Variants in CD82 observed in about 807,000 individuals in gnomAD.
CD82 encodes CD82 antigen.
A neutral mutation model predicts 37.4 loss-of-function variants in CD82; 36 were observed. That is an observed-to-expected ratio of 0.96 (90% confidence interval 0.74 to 1.27). CD82 has a LOEUF of 1.27. CD82 is among the 50% of genes most tolerant of loss of function. CD82 has a pLI of 0.00. For synonymous variants in CD82, 158 were observed against 137.4 expected (o/e 1.15, Z -1.05); for missense variants, 340 against 347.0 (o/e 0.98, Z 0.16).
At chr11:44,612,619 A>G (rs930553794) in intron 6 of CD82, among the ~76,000 whole-genome samples, 3 of 94,736 alleles carry the variant, frequency 3.2e-5, no homozygotes, top group African/African-American at 1.5e-4. Context: ...GTTTCCCAGC[A>G]TTAATTTTTT....
intron 6 of CD82, among the ~76,000 whole-genome samples, chr11:44,613,984 T>TTTTTTGTTGTTGTTG (rs971486772): frequency 1.6e-4 from 25 of 151,790 alleles, no homozygotes; most frequent in African/African-American, 6.0e-4. Context: ...TTCTGTTTTG[T>TTTTTTGTTGTTGTTG]TTTTTGTTGT....
At chr11:44,609,076 G>A (rs1322047902) in intron 6 of CD82, among the ~76,000 whole-genome samples, 3 of 152,236 alleles carry the variant, frequency 2.0e-5, no homozygotes, top group Non-Finnish European at 2.9e-5. Context: ...CAAGGGCTGC[G>A]GGAATGGGGA....
At chr11:44,580,372 A>T (rs1364114981) in intron 1 of CD82, among the ~76,000 whole-genome samples, 1 of 152,202 alleles carries the variant, frequency 6.6e-6, no homozygotes, top group African/African-American at 2.4e-5. Flanking sequence ...GGGAGGCAGG[A>T]AGGATTAGCC....
chr11:44,587,202 G>T (rs1325843151), intron 1 of CD82: 6 of 346,282 alleles, frequency 1.7e-5, no homozygotes, highest in African/African-American at 4.3e-5. Context: ...CTGAGCCAAG[G>T]CTTGTGGGAA....
rs1482820723 is a variant in CD82, at chr11:44,618,161, G to T, written c.439-1G>T. 6.2e-7 allele frequency: 1 copy of T among 1,613,884 alleles called. No homozygotes were observed. The highest frequency in any genetic ancestry group is 1.1e-5 in the South Asian group (1 of 91,072). ...AGCAGTCTGTCCCCTGCCTTGCCCA[G>T]GTGAAGTGCTGCGGCTGGGTCAGCT... On this transcript the variant is annotated splice_acceptor_variant, in intron 7 of 9. Coordinates refer to ENST00000227155, the MANE Select transcript of CD82 (RefSeq NM_002231.4). LOFTEE classifies it high-confidence loss of function.
At chr11:44,596,416 C>T (rs1473070370) in intron 3 of CD82, among the ~76,000 whole-genome samples, 1 of 152,220 alleles carries the variant, frequency 6.6e-6, no homozygotes, top group Non-Finnish European at 1.5e-5. Context: ...TAGGAGATCA[C>T]GGAGCTTGGG....
chr11:44,619,379 G>A lies in CD82; in HGVS notation c.*253G>A. On this transcript the variant is annotated 3_prime_UTR_variant, in exon 10 of 10. Transcript: ENST00000227155. ...TTCTCTTAGCAACTCAGAGAAAAATGCTCCCCACAGCGTCCCTGGCGCAGG... is the reference window on the plus strand; with the variant it reads ...TTCTCTTAGCAACTCAGAGAAAAATACTCCCCACAGCGTCCCTGGCGCAGG... 1 of 502,164 alleles carries A rather than the reference G, an allele frequency of 2.0e-6. No individual in the cohort carries two copies. Among genetic ancestry groups the A allele is most frequent in the South Asian group, 2.4e-5 (1 of 40,964 alleles). The allele number at this position is 502,164 out of a possible 1,614,324, so 31.1% of individuals were successfully genotyped here. A position where few individuals can be genotyped will look rare whatever the true frequency, so the allele number is the denominator to read the frequency against.
intron 6 of CD82, among the ~76,000 whole-genome samples, chr11:44,614,912 CAG>C (rs1853538322): frequency 6.6e-6 from 1 of 152,170 alleles, no homozygotes; most frequent in Non-Finnish European, 1.5e-5. Context: ...GGAGGAAGAA[CAG>C]AGGACAGAAG....
chr11:44,586,307 C>T (rs1254866916), intron 1 of CD82, among the ~76,000 whole-genome samples: 1 of 151,928 alleles, frequency 6.6e-6, no homozygotes, highest in East Asian at 1.9e-4. Context: ...AAACCTTGGC[C>T]CTCAGGTAGG....
At position 44,620,262 on chromosome 11, in the gene CD82, G is replaced by C. The variant is rs1360795997; in HGVS notation, c.*1136G>C. ...GGCCCCTGGGGAGTGGGGTGGGTGA[G>C]GCTGTGCCTTGTAGGGGGAGAGGGG... On this transcript the variant is annotated 3_prime_UTR_variant, in exon 10 of 10. Transcript: ENST00000227155. The C allele has an allele frequency of 6.7e-6, 1 of 149,366 alleles. No homozygotes were observed. The highest frequency in any genetic ancestry group is 1.5e-5 in the Non-Finnish European group (1 of 67,174). The allele number at this position is 149,366 out of a possible 1,614,324, so 9.3% of individuals were successfully genotyped here. A position where few individuals can be genotyped will look rare whatever the true frequency, so the allele number is the denominator to read the frequency against.
chr11:44,595,908 C>CAAAA lies in CD82; in HGVS notation c.63+1203_63+1206dup, dbSNP rs71449886. Among the ~76,000 whole-genome samples the CAAAA allele has an allele frequency of 2.2e-3, 150 of 68,904 alleles. 2 individuals carry two copies. Among genetic ancestry groups the CAAAA allele is most frequent in the Middle Eastern group, 0.024 (2 of 84 alleles). The allele number at this position is 68,904 out of a possible 152,430, so 45.2% of individuals were successfully genotyped here. On this transcript the variant is annotated intron_variant, in intron 3 of 9. Transcript: ENST00000227155. ...AACATAGCAAGACCCTGTTTCTCTA[C>CAAAA]AAAAAAAAAAAAAAAAAAAAAAAGA...
chr11:44,583,937 T>G (rs1241714448), intron 1 of CD82, among the ~76,000 whole-genome samples: 1 of 152,284 alleles, frequency 6.6e-6, no homozygotes, highest in East Asian at 1.9e-4. Flanking sequence ...CACTGGTTCA[T>G]GGGATCCTGT....
chr11:44,591,950 G>A (rs1320168160), intron 2 of CD82, among the ~76,000 whole-genome samples: 1 of 152,088 alleles, frequency 6.6e-6, no homozygotes, highest in Non-Finnish European at 1.5e-5. Context: ...CTCCTGAGTA[G>A]CTGGGATTAC....
intron 1 of CD82, among the ~76,000 whole-genome samples, chr11:44,576,379 A>G (rs1434909802): frequency 6.6e-6 from 1 of 152,220 alleles, no homozygotes; most frequent in African/African-American, 2.4e-5. Flanking sequence ...CTGAGGGTCC[A>G]GGAGGTAAAA....
chr11:44,612,527 T>G (rs1853498010), intron 6 of CD82, among the ~76,000 whole-genome samples: 1 of 138,782 alleles, frequency 7.2e-6, no homozygotes, highest in Non-Finnish European at 1.6e-5. Flanking sequence ...CAGAACTCTG[T>G]ATAAGGGCTT....
chr11:44,613,620 C>T (rs1452545967), intron 6 of CD82, among the ~76,000 whole-genome samples: 6 of 151,954 alleles, frequency 3.9e-5, no homozygotes, highest in Admixed American at 6.6e-5. Flanking sequence ...GTCAGGAGTT[C>T]GAGACCAGCC....
chr11:44,567,360 G>A (rs1458534578), intron 1 of CD82, among the ~76,000 whole-genome samples: 4 of 152,012 alleles, frequency 2.6e-5, no homozygotes, highest in Non-Finnish European at 4.4e-5. Flanking sequence ...ACGGACTGGC[G>A]GCTGCGCTGT....
chr11:44,590,058 C>T (rs1853118267), intron 2 of CD82, among the ~76,000 whole-genome samples: 1 of 151,738 alleles, frequency 6.6e-6, no homozygotes, highest in Admixed American at 6.6e-5. Flanking sequence ...TGGTCTCGAT[C>T]TCCTCACCTC....
At chr11:44,611,469 C>A (rs1187426980) in intron 6 of CD82, among the ~76,000 whole-genome samples, 1 of 152,324 alleles carries the variant, frequency 6.6e-6, no homozygotes, top group East Asian at 1.9e-4. Flanking sequence ...ACTCGCCGTG[C>A]CTGTGATGTG....
Sources: allele counts gnomAD v4.1 joint callset (sites outside exome capture counted in the v4.1 genomes callset), GRCh38; gene constraint gnomAD v4.1.1; transcripts MANE v1.5; gene names NCBI Gene and HGNC (gene_info 2026-07-23, HGNC 2026-07-21).